Variants in NRXN3 observed in about 807,000 individuals in gnomAD.
The protein encoded by NRXN3 is neurexin 3.
A neutral mutation model predicts 137.6 loss-of-function variants in NRXN3; 32 were observed. That is an observed-to-expected ratio of 0.23 (90% CI 0.18 to 0.31). The LOEUF is 0.31. Among genes scored for constraint, NRXN3 ranks in the 10% least tolerant of loss-of-function variants. The probability of loss-of-function intolerance (pLI) is 1.00; values close to 1 mark genes in which losing one functional copy is unlikely to be tolerated. For synonymous variants in NRXN3, 798 were observed against 784.5 expected, an observed-to-expected ratio of 1.02 and a Z score of -0.29; for missense variants, 1,574 against 2,062.5, an observed-to-expected ratio of 0.76 and a Z score of 4.59.
chr14:78,752,260 T>C (rs931018701), intron 8 of NRXN3, among the ~76,000 whole-genome samples: 18 of 151,958 alleles, frequency 1.2e-4, no homozygotes, highest in Non-Finnish European at 2.2e-4. Flanking sequence ...CTACTAAAAA[T>C]ACAAAGATTA....
At chr14:79,376,202 GT>G (rs1253561645) in intron 15 of NRXN3, among the ~76,000 whole-genome samples, 2 of 112,456 alleles carry the variant, frequency 1.8e-5, no homozygotes, top group Non-Finnish European at 3.5e-5. Context: ...GTGGGTGTGT[GT>G]GTGTGTGTAT....
chr14:79,392,568 A>G (rs1599642018), intron 15 of NRXN3, among the ~76,000 whole-genome samples: 1 of 152,176 alleles, frequency 6.6e-6, no homozygotes, highest in Non-Finnish European at 1.5e-5. Flanking sequence ...GAATCGCCAC[A>G]CTGCCAACAA....
chr14:79,207,968 C>T (rs1002319145), intron 15 of NRXN3, among the ~76,000 whole-genome samples: 1 of 151,984 alleles, frequency 6.6e-6, no homozygotes. Flanking sequence ...GAGTAGGTAA[C>T]GTTATTATTC....
chr14:78,880,047 G>T (rs1001783473), intron 10 of NRXN3, among the ~76,000 whole-genome samples: 3 of 141,636 alleles, frequency 2.1e-5, no homozygotes, highest in Non-Finnish European at 4.4e-5. Flanking sequence ...AGACCATCCC[G>T]GCTAAAACGG....
intron 15 of NRXN3, among the ~76,000 whole-genome samples, chr14:79,463,159 TA>T (rs1199660532): frequency 4.5e-4 from 69 of 152,090 alleles, no homozygotes; most frequent in Non-Finnish European, 2.9e-5. Flanking sequence ...TCTAATACAA[TA>T]AGCAATAAAA....
At chr14:78,551,348 T>C (rs2096687036) in intron 4 of NRXN3, among the ~76,000 whole-genome samples, 1 of 152,172 alleles carries the variant, frequency 6.6e-6, no homozygotes, top group Non-Finnish European at 1.5e-5. Context: ...TTCTTGATAA[T>C]TCAGAAGCAG....
intron 6 of NRXN3, 64 bp from the exon 7 acceptor site, chr14:78,709,153 G>A (rs1175236608): frequency 6.8e-7 from 1 of 1,468,234 alleles, no homozygotes; most frequent in African/African-American, 1.4e-5. Context: ...GGTGCCCAGT[G>A]AGTGATGGAT....
At chr14:78,633,038 A>G (rs997501159) in intron 4 of NRXN3, among the ~76,000 whole-genome samples, 7 of 152,102 alleles carry the variant, frequency 4.6e-5, no homozygotes, top group Admixed American at 1.3e-4. Context: ...GATTGAGACC[A>G]TCCTGGCTAA....
At chr14:79,138,964 AG>A (rs2058525179) in intron 15 of NRXN3, among the ~76,000 whole-genome samples, 1 of 152,212 alleles carries the variant, frequency 6.6e-6, no homozygotes, top group Non-Finnish European at 1.5e-5. Context: ...TCCACAAGAG[AG>A]GGCAACCTCT....
At chr14:78,932,044 G>A (rs1287913206) in intron 10 of NRXN3, among the ~76,000 whole-genome samples, 11 of 152,124 alleles carry the variant, frequency 7.2e-5, no homozygotes, top group Non-Finnish European at 1.3e-4. Context: ...GGAGGCTGAG[G>A]CAGGAGAATC....
At chr14:79,229,829 A>G (rs541468817) in intron 15 of NRXN3, among the ~76,000 whole-genome samples, 34 of 98,980 alleles carry the variant, frequency 3.4e-4, no homozygotes, top group African/African-American at 1.3e-3. Flanking sequence ...CAGCCACAGA[A>G]CCTTGGGACT....
At chr14:78,398,929 G>A (rs2091780739) in intron 4 of NRXN3, among the ~76,000 whole-genome samples, 1 of 152,184 alleles carries the variant, frequency 6.6e-6, no homozygotes, top group Non-Finnish European at 1.5e-5. Flanking sequence ...TAACAAGTGT[G>A]AGGGTCTATG....
intron 20 of NRXN3, among the ~76,000 whole-genome samples, chr14:79,818,679 T>G (rs1173536529): frequency 6.6e-6 from 1 of 152,214 alleles, no homozygotes; most frequent in African/African-American, 2.4e-5. Flanking sequence ...TTTCCTCACT[T>G]CCTTGCATTA....
At chr14:79,570,762 G>A (rs1024639029) in intron 16 of NRXN3, among the ~76,000 whole-genome samples, 1 of 152,204 alleles carries the variant, frequency 6.6e-6, no homozygotes, top group South Asian at 2.1e-4. Context: ...GAGGCTGGAA[G>A]TCCAGGATCA....
intron 15 of NRXN3, among the ~76,000 whole-genome samples, chr14:79,319,938 A>C (rs541451260): frequency 2.0e-4 from 31 of 152,298 alleles, no homozygotes; most frequent in African/African-American, 7.2e-4. Context: ...ATTTTGCTTA[A>C]AAGCAAGGCT....
intron 16 of NRXN3, among the ~76,000 whole-genome samples, chr14:79,519,423 A>G (rs28542680): frequency 0.04 from 6,007 of 152,066 alleles, 364 homozygotes; most frequent in African/African-American, 0.13. Flanking sequence ...CCTTTTCCCT[A>G]TATGAATTGG....
At chr14:79,851,468 C>T (rs937313533) in intron 20 of NRXN3, among the ~76,000 whole-genome samples, 1 of 151,914 alleles carries the variant, frequency 6.6e-6, no homozygotes, top group African/African-American at 2.4e-5. Context: ...TACGGACTGA[C>T]CCATGGGGAC....
At chr14:79,276,408 A>T (rs950286756) in intron 15 of NRXN3, among the ~76,000 whole-genome samples, 2 of 152,182 alleles carry the variant, frequency 1.3e-5, no homozygotes, top group African/African-American at 4.8e-5. Flanking sequence ...GACCTGTCTT[A>T]CATTTGTCCT....
chr14:79,345,778 C>T (rs2092841373), intron 15 of NRXN3, among the ~76,000 whole-genome samples: 1 of 152,132 alleles, frequency 6.6e-6, no homozygotes, highest in African/African-American at 2.4e-5. Context: ...TACCTTCTGC[C>T]ATGATTGAAA....
Sources: allele counts gnomAD v4.1 joint callset (sites outside exome capture counted in the v4.1 genomes callset), GRCh38; gene constraint gnomAD v4.1.1; transcripts MANE v1.5; gene names NCBI Gene and HGNC (gene_info 2026-07-23, HGNC 2026-07-21).